ATP8A2: variants seen among roughly 807,000 people sequenced by gnomAD.
ATP8A2 encodes the protein ATPase phospholipid transporting 8A2, also known as phospholipid-transporting ATPase IB.
Under a neutral mutation model 165.6 loss-of-function variants are expected in ATP8A2, and 100 were observed. The observed-to-expected ratio is 0.60, with a 90% confidence interval of 0.51 to 0.71. The LOEUF is 0.71. Ranked by LOEUF, ATP8A2 falls within the 30% of genes least tolerant of loss-of-function variation. ATP8A2 has a pLI of 0.00. For synonymous variants in ATP8A2, 543 were observed against 548.8 expected (o/e 0.99, Z 0.15); for missense variants, 1,227 against 1,479.5 (o/e 0.83, Z 2.80).
At chr13:25,923,957 A>C (rs1488125224) in intron 33 of ATP8A2, among the ~76,000 whole-genome samples, 1 of 152,238 alleles carries the variant, frequency 6.6e-6, no homozygotes, top group Non-Finnish European at 1.5e-5. Flanking sequence ...GGTTTGTTAA[A>C]TGATGGACTT....
chr13:25,602,937 G>C (rs1259885136), intron 24 of ATP8A2, among the ~76,000 whole-genome samples: 1 of 151,962 alleles, frequency 6.6e-6, no homozygotes, highest in African/African-American at 2.4e-5. Context: ...CCAGGCATGG[G>C]GGGGTGTGCC....
chr13:25,801,038 T>C (rs1486846763), intron 27 of ATP8A2, among the ~76,000 whole-genome samples: 3 of 152,148 alleles, frequency 2.0e-5, no homozygotes, highest in Non-Finnish European at 4.4e-5. Flanking sequence ...TGCTCAGAGC[T>C]GCTGAGGTCT....
chr13:25,514,294 C>G (rs900240177), intron 2 of ATP8A2, among the ~76,000 whole-genome samples: 3 of 152,142 alleles, frequency 2.0e-5, no homozygotes, highest in Non-Finnish European at 4.4e-5. Flanking sequence ...TAGCATTACT[C>G]CAAACTCTAA....
At chr13:25,399,477 C>T (rs2033551211) in intron 1 of ATP8A2, among the ~76,000 whole-genome samples, 1 of 129,200 alleles carries the variant, frequency 7.7e-6, no homozygotes. Flanking sequence ...CGGCTCACTG[C>T]AAGCTCCGCC....
rs185325656 is a variant in ATP8A2 at position 25,688,240 on chromosome 13, G to T, written c.2212-10933G>T. 3.9e-3 allele frequency among the ~76,000 whole-genome samples: 591 copies of T among 152,178 alleles called. 5 individuals are homozygous for T. Among genetic ancestry groups the T allele is most frequent in the African/African-American group, 0.014 (561 of 41,510 alleles). The stretch of plus-strand genomic sequence containing the variant: ...ATTACAGGATTTTGTTTCTTGCTCT[G>T]TATTTCAGTGTTAACATCTGTCTCC... On this transcript the variant is annotated intron_variant, in intron 24 of 36. Transcript: ENST00000381655.
At chr13:25,978,993 C>T (rs953440465) in intron 35 of ATP8A2, among the ~76,000 whole-genome samples, 2 of 151,772 alleles carry the variant, frequency 1.3e-5, no homozygotes, top group African/African-American at 2.4e-5. Flanking sequence ...TATTTGATGG[C>T]TGCTTTTGCA....
chr13:25,916,349 G>A (rs1020864554), intron 33 of ATP8A2, among the ~76,000 whole-genome samples: 35 of 152,118 alleles, frequency 2.3e-4, no homozygotes, highest in African/African-American at 7.0e-4. Context: ...CTGTGTCGAC[G>A]GTACCAGCCT....
intron 35 of ATP8A2, among the ~76,000 whole-genome samples, chr13:26,008,567 C>A (rs547459609): frequency 6.6e-6 from 1 of 152,112 alleles, no homozygotes; most frequent in African/African-American, 2.4e-5. Context: ...AAGTGAAGAT[C>A]CACAAACATT....
intron 33 of ATP8A2, among the ~76,000 whole-genome samples, chr13:25,920,329 G>A (rs1423480275): frequency 6.6e-6 from 1 of 152,112 alleles, no homozygotes; most frequent in African/African-American, 2.4e-5. Flanking sequence ...TCTCTGAAAA[G>A]TTAGGTCACC....
intron 33 of ATP8A2, among the ~76,000 whole-genome samples, chr13:25,892,470 G>GTCTCTCTCTCTCTCTC (rs1194079051): frequency 1.7e-5 from 2 of 115,060 alleles, no homozygotes; most frequent in Admixed American, 1.1e-4. Context: ...CTCTCTCTCT[G>GTCTCTCTCTCTCTCTC]TCTCTCTGTC....
chr13:25,740,308 C>CAAAAAAAA (rs1229327243), intron 25 of ATP8A2, among the ~76,000 whole-genome samples: 2 of 67,484 alleles, frequency 3.0e-5, no homozygotes, highest in Admixed American at 1.7e-4. Context: ...GGCTCTATCT[C>CAAAAAAAA]AAAAAAAAAA....
chr13:25,538,005 T>C lies in ATP8A2; in HGVS notation c.525T>C (p.Ile175=). The change falls in exon 7 of 37, where the codon ATT becomes ATC. Residue 175 remains isoleucine (I), a synonymous_variant. Coordinates refer to ENST00000381655, the MANE Select transcript of ATP8A2 (RefSeq NM_016529.6). ...CTCTCTAGGTGGCAGTGGGAGACAT[T>C]GTGAAGGTCGTCAATGGGCAGTATC... ...IMWKEVAVGD[I]VKVVNGQYLP... 1 of 1,613,968 alleles carries C rather than the reference T, an allele frequency of 6.2e-7. No homozygotes were observed. The highest frequency in any genetic ancestry group is 8.5e-7 in the Non-Finnish European group (1 of 1,179,858).
rs1316368603 is a variant in ATP8A2, at chr13:26,022,709, A to G, written c.*2724A>G. ...TTTGTCCTATCTTTAAATTGAGGTCAGAGTGTCACACACAACCCCTCCCCT... is the reference window on the plus strand; with the variant it reads ...TTTGTCCTATCTTTAAATTGAGGTCGGAGTGTCACACACAACCCCTCCCCT... On this transcript the variant is annotated 3_prime_UTR_variant, in exon 37 of 37. Transcript: ENST00000381655. The G allele has an allele frequency of 6.6e-6, 1 of 152,244 alleles. No individual in the cohort carries two copies. The highest frequency in any genetic ancestry group is 1.5e-5 in the Non-Finnish European group (1 of 68,062). 9.4% of individuals were successfully genotyped at this position (152,244 alleles called of 1,614,324 possible).
intron 2 of ATP8A2, among the ~76,000 whole-genome samples, chr13:25,516,415 A>G (rs1222787185): frequency 1.3e-5 from 2 of 152,192 alleles, no homozygotes; most frequent in East Asian, 1.9e-4. Context: ...ACAGCCTTAA[A>G]TCTTTCCTTG....
chr13:26,005,492 AGTTT>A lies in ATP8A2; in HGVS notation c.3378-7035_3378-7032del, dbSNP rs138576120. On this transcript the variant is annotated intron_variant, in intron 35 of 36. Transcript: ENST00000381655. The stretch of plus-strand genomic sequence containing the variant: ...CCTTCCTTCTGCCAACTTTAGGCTT[AGTTT>A]GTTCTTCCTTTTGTAGTTCCTCAAA... 5.3e-3 allele frequency among the ~76,000 whole-genome samples: 807 copies of A among 151,930 alleles called. 6 individuals carry two copies. Among genetic ancestry groups the A allele is most frequent in the Middle Eastern group, 0.014 (4 of 294 alleles).
rs529244963 is a variant in ATP8A2, at chr13:25,750,102, C to G, written c.2385-18944C>G. Among the ~76,000 whole-genome samples the G allele has an allele frequency of 1.1e-4, 16 of 152,298 alleles. No individual in the cohort carries two copies. The highest frequency in any genetic ancestry group is 3.6e-4 in the African/African-American group (15 of 41,562). ...AACCAAGTTCATCTTTAGAAATCAT[C>G]TGATTGTCTCAATATTTATTTACTT... On this transcript the variant is annotated intron_variant, in intron 25 of 36. Transcript: ENST00000381655. This position sits in a 1 kb window ranked among gnomAD's most constrained non-coding sequence, Gnocchi z 4.3.
At chr13:25,526,059 C>T (rs1238447173) in intron 2 of ATP8A2, among the ~76,000 whole-genome samples, 4 of 151,784 alleles carry the variant, frequency 2.6e-5, no homozygotes, top group Non-Finnish European at 5.9e-5. Context: ...ATTCTTACTT[C>T]TGCTTGATTC....
Position 25,860,369 on chromosome 13 carries a change from A to G in ATP8A2, c.3018+113A>G. ...TTATTATTATTTATTTCAAATCTTC[A>G]AAATGTATTTTATATATCCTTCAAA... On this transcript the variant is annotated intron_variant, in intron 31 of 36. Transcript: ENST00000381655. 6.7e-6 allele frequency: 4 copies of G among 600,402 alleles called. No individual in the cohort carries two copies. In the South Asian group the frequency reaches 1.0e-4, roughly 15 times the overall value. 37.2% of individuals were successfully genotyped at this position (600,402 alleles called of 1,614,324 possible).
intron 2 of ATP8A2, among the ~76,000 whole-genome samples, chr13:25,473,001 A>G (rs1053326946): frequency 4.6e-5 from 7 of 152,172 alleles, no homozygotes; most frequent in Non-Finnish European, 8.8e-5. Context: ...CAGGAATTCT[A>G]TGGATCAAGT....
Sources: gnomAD v4.1 joint callset for allele counts (sites outside exome capture counted in the v4.1 genomes callset) on GRCh38, gnomAD v4.1.1 for gene constraint, Gnocchi (gnomAD v3.1) non-coding constraint, MANE v1.5 for transcripts, NCBI Gene and HGNC (gene_info 2026-07-23, HGNC 2026-07-21) for gene names.